The following ATXN1 variants were observed in gnomAD, a reference collection of about 807,000 sequenced individuals.
ATXN1 encodes the protein ataxin 1, also known as ataxin-1.
Under a neutral mutation model 56.4 loss-of-function variants are expected in ATXN1, and 8 were observed. That is an observed-to-expected ratio of 0.14 (90% CI 0.08 to 0.26). The LOEUF (loss-of-function observed/expected upper bound fraction) is 0.26. Among genes scored for constraint, ATXN1 ranks in the 10% least tolerant of loss-of-function variants. ATXN1 has a pLI of 1.00. For synonymous variants in ATXN1, 514 were observed against 494.6 expected, an observed-to-expected ratio of 1.04 and a Z score of -0.52; for missense variants, 987 against 1,106.5, an observed-to-expected ratio of 0.89 and a Z score of 1.53.
chr6:16,642,624 AG>A (rs1763725961), intron 3 of ATXN1, among the ~76,000 whole-genome samples: 1 of 152,204 alleles, frequency 6.6e-6, no homozygotes, highest in Non-Finnish European at 1.5e-5. Context: ...CTTTCATGAA[AG>A]GAAGAGTCAA....
Position 16,443,933 on chromosome 6 carries a change from A to G in ATXN1, c.-161+42039T>C, listed in dbSNP as rs2282837. On this transcript the variant is annotated intron_variant, in intron 6 of 7. Coordinates refer to ENST00000436367, the MANE Select transcript of ATXN1 (RefSeq NM_001128164.2). ...AGATCGAGACCATCCTGGCTAACAC[A>G]GTGAAACCCCGTCTCTACTAAAAAC... is the stretch of plus-strand genomic sequence containing the variant. Among the ~76,000 whole-genome samples the G allele has an allele frequency of 1.0e-2, 1,516 of 152,186 alleles. 16 individuals are homozygous for G. Among genetic ancestry groups the G allele is most frequent in the African/African-American group, 0.028 (1,167 of 41,518 alleles).
At chr6:16,404,950 C>G (rs1357595317) in intron 6 of ATXN1, among the ~76,000 whole-genome samples, 3 of 152,150 alleles carry the variant, frequency 2.0e-5, no homozygotes, top group Non-Finnish European at 4.4e-5. Flanking sequence ...CTATTTATTG[C>G]ACACCTAAAA....
chr6:16,611,306 T>A (rs1172129053), intron 3 of ATXN1, among the ~76,000 whole-genome samples: 1 of 152,202 alleles, frequency 6.6e-6, no homozygotes, highest in Non-Finnish European at 1.5e-5. Context: ...ATATAGGTCA[T>A]ATTTAGTCAA....
chr6:16,724,372 T>G (rs1759805351), intron 2 of ATXN1, among the ~76,000 whole-genome samples: 1 of 152,202 alleles, frequency 6.6e-6, no homozygotes, highest in African/African-American at 2.4e-5. Flanking sequence ...ATCAAAGTTT[T>G]CTTCTAAGCA....
At chr6:16,652,760 A>G (rs1282024603) in intron 3 of ATXN1, 2 of 152,232 alleles carry the variant, frequency 1.3e-5, no homozygotes, top group Non-Finnish European at 2.9e-5. Flanking sequence ...TGAAGCACAT[A>G]TTAAAAGCCT....
At chr6:16,691,424 AAAG>A (rs1285875756) in intron 2 of ATXN1, among the ~76,000 whole-genome samples, 3 of 152,262 alleles carry the variant, frequency 2.0e-5, no homozygotes, top group Non-Finnish European at 4.4e-5. Context: ...AAGGAAAATG[AAAG>A]AAGACCTGTT....
intron 6 of ATXN1, among the ~76,000 whole-genome samples, chr6:16,369,715 TTAAAGA>T (rs537546571): frequency 9.9e-4 from 151 of 152,292 alleles, no homozygotes; most frequent in African/African-American, 3.4e-3. Flanking sequence ...CTAGCTTACC[TTAAAGA>T]TAAACTCTCC....
chr6:16,505,698 C>G (rs1477662596), intron 5 of ATXN1, among the ~76,000 whole-genome samples: 1 of 152,106 alleles, frequency 6.6e-6, no homozygotes, highest in Admixed American at 6.6e-5. Context: ...ATCACTGACC[C>G]GTGTACACGG....
In ATXN1 at chr6:16,536,877, C is replaced by T. The variant is rs530583688; in HGVS notation, c.-360-14189G>A. On this transcript the variant is annotated intron_variant, in intron 4 of 7. Transcript: ENST00000436367. Reference sequence around the variant, plus strand: ...TTTGTGGCTTGGATGGATTTCAGCACTGGTACTTATCATGGTCAAAGATAC... The same window carrying T: ...TTTGTGGCTTGGATGGATTTCAGCATTGGTACTTATCATGGTCAAAGATAC... 2.0e-5 allele frequency among the ~76,000 whole-genome samples: 3 copies of T among 152,274 alleles called. No homozygotes were observed. In the South Asian group the frequency reaches 6.2e-4, roughly 32 times the overall value.
chr6:16,733,243 C>T (rs1488663596), intron 2 of ATXN1, among the ~76,000 whole-genome samples: 1 of 152,164 alleles, frequency 6.6e-6, no homozygotes, highest in African/African-American at 2.4e-5. Flanking sequence ...AAAATGTTTG[C>T]TATTTTAAGA....
intron 3 of ATXN1, among the ~76,000 whole-genome samples, chr6:16,631,668 T>C (rs1763505571): frequency 6.6e-6 from 1 of 152,208 alleles, no homozygotes; most frequent in African/African-American, 2.4e-5. Context: ...CTCCCTTCTT[T>C]AGTTCTAATT....
chr6:16,497,413 T>G (rs1322449255), intron 5 of ATXN1, among the ~76,000 whole-genome samples: 1 of 152,156 alleles, frequency 6.6e-6, no homozygotes, highest in South Asian at 2.1e-4. Flanking sequence ...TCCTTCCACT[T>G]TTAGACCGTT....
At chr6:16,443,134 A>C (rs536285577) in intron 6 of ATXN1, among the ~76,000 whole-genome samples, 2 of 149,944 alleles carry the variant, frequency 1.3e-5, no homozygotes, top group African/African-American at 4.9e-5. Context: ...GTGAGCCAAG[A>C]CTGTACCACT....
chr6:16,642,893 A>G (rs541848475), intron 3 of ATXN1, among the ~76,000 whole-genome samples: 15 of 152,362 alleles, frequency 9.8e-5, no homozygotes, highest in African/African-American at 3.6e-4. Flanking sequence ...CATAACTTAT[A>G]TGCACTGGAA....
At chr6:16,415,212 A>C (rs988756804) in intron 6 of ATXN1, among the ~76,000 whole-genome samples, 1 of 152,138 alleles carries the variant, frequency 6.6e-6, no homozygotes, top group African/African-American at 2.4e-5. Context: ...GTGAAACAAT[A>C]AGTGGTTTTT....
At chr6:16,610,712 T>C (rs2113790005) in intron 3 of ATXN1, among the ~76,000 whole-genome samples, 1 of 152,302 alleles carries the variant, frequency 6.6e-6, no homozygotes, top group African/African-American at 2.4e-5. Flanking sequence ...GGGGTAGTTG[T>C]GCTTTAAAAC....
At chr6:16,650,635 T>G (rs2113829895) in intron 3 of ATXN1, among the ~76,000 whole-genome samples, 1 of 152,310 alleles carries the variant, frequency 6.6e-6, no homozygotes, top group Middle Eastern at 3.4e-3. Flanking sequence ...GGCCTAAAGG[T>G]TTCTCCGCAT....
intron 6 of ATXN1, among the ~76,000 whole-genome samples, chr6:16,387,907 A>G (rs1758273892): frequency 6.6e-6 from 1 of 152,210 alleles, no homozygotes; most frequent in Non-Finnish European, 1.5e-5. Flanking sequence ...AACAACAACA[A>G]CAATGAATTT....
At chr6:16,413,344 T>C (rs62387744) in intron 6 of ATXN1, among the ~76,000 whole-genome samples, 1,570 of 149,342 alleles carry the variant, frequency 0.011, 19 homozygotes, top group Middle Eastern at 0.027. Flanking sequence ...ACACTGTTTT[T>C]GTTTTTTTTT....
Sources: allele counts gnomAD v4.1 joint callset (sites outside exome capture counted in the v4.1 genomes callset), GRCh38; gene constraint gnomAD v4.1.1; transcripts MANE v1.5; gene names NCBI Gene and HGNC (gene_info 2026-07-23, HGNC 2026-07-21).